HS6ST3: variants seen among roughly 807,000 people sequenced by gnomAD.
HS6ST3 encodes the protein heparan-sulfate 6-O-sulfotransferase 3.
Under a neutral mutation model 36.7 loss-of-function variants are expected in HS6ST3, and 12 were observed. That is an observed-to-expected ratio of 0.33 (90% confidence interval 0.21 to 0.53). The LOEUF is 0.53. Ranked by LOEUF, HS6ST3 falls within the 20% of genes least tolerant of loss-of-function variation. The pLI is 0.95. For synonymous variants in HS6ST3, 240 were observed against 257.5 expected (o/e 0.93, Z 0.65); for missense variants, 584 against 640.9 (o/e 0.91, Z 0.96).
chr13:96,805,789 A>G (rs902561831), intron 1 of HS6ST3, among the ~76,000 whole-genome samples: 1 of 152,208 alleles, frequency 6.6e-6, no homozygotes, highest in Admixed American at 6.5e-5. Flanking sequence ...CAATTTAGTG[A>G]CCAATATCCC....
At chr13:96,578,389 G>T (rs904319412) in intron 1 of HS6ST3, among the ~76,000 whole-genome samples, 1 of 152,098 alleles carries the variant, frequency 6.6e-6, no homozygotes. Flanking sequence ...ATGAAGCTCC[G>T]AGCTGAAGCT....
At chr13:96,219,021 A>G (rs1446295807) in intron 1 of HS6ST3, among the ~76,000 whole-genome samples, 2 of 152,060 alleles carry the variant, frequency 1.3e-5, no homozygotes, top group Non-Finnish European at 2.9e-5. Flanking sequence ...GCATCTTTTC[A>G]CACGAAGTTG....
chr13:96,833,034 C>G lies in HS6ST3; in HGVS notation c.1252C>G (p.Arg418Gly). 6.2e-7 allele frequency: 1 copy of G among 1,613,692 alleles called. No homozygotes were observed. The highest frequency in any genetic ancestry group is 8.5e-7 in the Non-Finnish European group (1 of 1,180,002). ...YEYAKDLFQQ[R>G]YHHTKQLEHQ... ...GTATGCAAAAGATCTCTTCCAGCAG[C>G]GCTACCACCACACCAAGCAGCTAGA... The change falls in exon 2 of 2, where the codon CGC becomes GGC. Residue 418 changes from arginine (R) to glycine (G), a missense_variant. This residue lies in a region of HS6ST3 where 360 missense variants were observed against 411.3 expected (regional missense o/e 0.88). Transcript: ENST00000376705.
intron 1 of HS6ST3, among the ~76,000 whole-genome samples, chr13:96,198,243 G>T (rs2139349875): frequency 6.6e-6 from 1 of 152,268 alleles, no homozygotes; most frequent in East Asian, 1.9e-4. Context: ...CCCTGGGCCT[G>T]GCCCACGAAA....
intron 1 of HS6ST3, among the ~76,000 whole-genome samples, chr13:96,741,476 T>A (rs1277817539): frequency 6.6e-6 from 1 of 152,198 alleles, no homozygotes; most frequent in Non-Finnish European, 1.5e-5. Flanking sequence ...TATAGCTTCC[T>A]TGTAGAATTC....
intron 1 of HS6ST3, among the ~76,000 whole-genome samples, chr13:96,346,786 G>A (rs994035161): frequency 6.6e-6 from 1 of 152,110 alleles, no homozygotes; most frequent in African/African-American, 2.4e-5. Flanking sequence ...TGGGGTTAAT[G>A]ATCTTGTGTG....
intron 1 of HS6ST3, among the ~76,000 whole-genome samples, chr13:96,560,596 C>T (rs773029084): frequency 6.2e-4 from 95 of 152,288 alleles, no homozygotes; most frequent in Admixed American, 8.5e-4. Context: ...TCTCTCTTCA[C>T]TGATGATATG....
chr13:96,222,074 A>T (rs1450777170), intron 1 of HS6ST3, among the ~76,000 whole-genome samples: 1 of 152,238 alleles, frequency 6.6e-6, no homozygotes, highest in Non-Finnish European at 1.5e-5. Flanking sequence ...TGAAATTGAC[A>T]GTGTGATTAG....
At chr13:96,128,076 AC>A (rs1362702833) in intron 1 of HS6ST3, among the ~76,000 whole-genome samples, 1 of 152,224 alleles carries the variant, frequency 6.6e-6, no homozygotes, top group Admixed American at 6.5e-5. Flanking sequence ...CTTCTGTTGT[AC>A]ACTTATCGAG....
intron 1 of HS6ST3, among the ~76,000 whole-genome samples, chr13:96,326,354 T>A: frequency 8.7e-6 from 1 of 115,508 alleles, no homozygotes; most frequent in East Asian, 2.7e-4. Context: ...CAGGCCCCAG[T>A]GTGTGATGTT....
intron 1 of HS6ST3, chr13:96,573,593 C>G: frequency 4.8e-6 from 1 of 207,924 alleles, no homozygotes; most frequent in Non-Finnish European, 9.6e-6. Flanking sequence ...ATTTCAGGGT[C>G]TGCAGAATTC....
intron 1 of HS6ST3, among the ~76,000 whole-genome samples, chr13:96,104,678 C>T (rs532093485): frequency 5.3e-5 from 8 of 152,312 alleles, no homozygotes; most frequent in African/African-American, 1.9e-4. Context: ...AGACAACTGC[C>T]CCAGGGCCTG....
chr13:96,765,577 G>A (rs1037179579), intron 1 of HS6ST3, among the ~76,000 whole-genome samples: 1 of 127,010 alleles, frequency 7.9e-6, no homozygotes, highest in Non-Finnish European at 1.7e-5. Context: ...AGATGTATGC[G>A]CTCTCTCTCT....
intron 1 of HS6ST3, among the ~76,000 whole-genome samples, chr13:96,332,636 G>A (rs956537425): frequency 5.9e-5 from 9 of 152,172 alleles, no homozygotes; most frequent in Non-Finnish European, 4.4e-5. Flanking sequence ...ATTTGAAAAA[G>A]TACTGCTCAA....
At chr13:96,558,634 T>C (rs141633566) in intron 1 of HS6ST3, among the ~76,000 whole-genome samples, 30 of 151,744 alleles carry the variant, frequency 2.0e-4, no homozygotes, top group Non-Finnish European at 3.8e-4. Context: ...TCAAGGTCAG[T>C]AGTAAGCCTT....
chr13:96,691,064 T>G (rs1874943112), intron 1 of HS6ST3, among the ~76,000 whole-genome samples: 1 of 152,074 alleles, frequency 6.6e-6, no homozygotes, highest in Non-Finnish European at 1.5e-5. Context: ...CATCAGAGAG[T>G]AATAAATCAA....
At chr13:96,291,188 G>T (rs1215270499) in intron 1 of HS6ST3, among the ~76,000 whole-genome samples, 1 of 152,080 alleles carries the variant, frequency 6.6e-6, no homozygotes, top group Non-Finnish European at 1.5e-5. Context: ...CCCATAGAAT[G>T]TGGCCCCATC....
chr13:96,346,345 T>C (rs6491286), intron 1 of HS6ST3, among the ~76,000 whole-genome samples: 84,293 of 151,926 alleles, frequency 0.55, 24,913 homozygotes, highest in African/African-American at 0.76. Context: ...GAGGCCAAGG[T>C]GGGCGGATCA....
At chr13:96,435,953 C>T (rs904154266) in intron 1 of HS6ST3, among the ~76,000 whole-genome samples, 1 of 152,182 alleles carries the variant, frequency 6.6e-6, no homozygotes, top group African/African-American at 2.4e-5. Flanking sequence ...AGTGCCATGT[C>T]ACGTAGTCGT....
Sources: gnomAD v4.1 joint callset for allele counts (sites outside exome capture counted in the v4.1 genomes callset) on GRCh38, gnomAD v4.1.1 for gene constraint, gnomAD v4.1.1 regional missense constraint, MANE v1.5 for transcripts, NCBI Gene and HGNC (gene_info 2026-07-23, HGNC 2026-07-21) for gene names.